COL1A1: variants seen among roughly 807,000 people sequenced by gnomAD.
The protein encoded by COL1A1 is collagen type I alpha 1 chain.
In COL1A1, 21 loss-of-function variants were observed where a neutral mutation model predicts 195.7. The observed-to-expected ratio is 0.11, with a 90% CI of 0.08 to 0.15. The LOEUF (loss-of-function observed/expected upper bound fraction) is 0.15. Ranked by LOEUF, COL1A1 falls within the 10% of genes least tolerant of loss-of-function variation. The probability of loss-of-function intolerance (pLI) is 1.00; values close to 1 mark genes in which losing one functional copy is unlikely to be tolerated. For missense variants in COL1A1, 1,365 were observed against 2,051.0 expected (o/e 0.67, Z 6.46); for synonymous variants, 749 against 747.3 (o/e 1.00, Z -0.04).
Position 50,191,833 on chromosome 17 carries a change from A to G in COL1A1, c.2082T>C (p.Ala694=). The stretch of plus-strand genomic sequence containing the variant: ...GAGCACCGTTGGCCCCTCGGGGACC[A>G]GCAGGACCAGGGGGACCTTGCACAC... ...ERGVQGPPGP[A]GPRGANGAPG... Residue 694 remains alanine, a synonymous_variant, in exon 31 of 51, where the codon GCT becomes GCC. Coordinates refer to ENST00000225964, the MANE Select transcript of COL1A1 (RefSeq NM_000088.4). 6.2e-7 allele frequency: 1 copy of G among 1,602,858 alleles called. No homozygotes were observed. Among genetic ancestry groups the G allele is most frequent in the Non-Finnish European group, 8.5e-7 (1 of 1,174,306 alleles).
At position 50,195,856 on chromosome 17, in the gene COL1A1, G is replaced by A; in HGVS notation, c.1056+67C>T. ...TGCCACTCTGGGTCCCTTTGGTTTG[G>A]GGAACAGGGAGACATGAACCCCTTG... On this transcript the variant is annotated intron_variant, in intron 16 of 50. Transcript: ENST00000225964. The surrounding 1 kb of genome is among the most constrained non-coding windows in gnomAD (Gnocchi z 4.3). The A allele has an allele frequency of 6.5e-7, 1 of 1,535,946 alleles. No homozygotes were observed. The highest frequency in any genetic ancestry group is 8.8e-7 in the Non-Finnish European group (1 of 1,132,358).
In COL1A1 at chr17:50,189,978, G is replaced by A; in HGVS notation, c.2559+23C>T. ...GGGTCCCAGCCCACCAGCCTCGTGG[G>A]CACAGAGGGCCAAGCCACTCACAAT... is the stretch of plus-strand genomic sequence containing the variant. On this transcript the variant is annotated intron_variant, in intron 36 of 50. Coordinates refer to ENST00000225964, the MANE Select transcript of COL1A1 (RefSeq NM_000088.4). This position sits in a 1 kb window ranked among gnomAD's most constrained non-coding sequence, Gnocchi z 5.5. 6.2e-7 allele frequency: 1 copy of A among 1,612,560 alleles called. No homozygotes were observed. Among genetic ancestry groups the A allele is most frequent in the Non-Finnish European group, 8.5e-7 (1 of 1,179,202 alleles).
At position 50,186,844 on chromosome 17, in the gene COL1A1, G is replaced by T. The variant is rs983970706; in HGVS notation, c.3610C>A (p.Pro1204Thr). 1.9e-6 allele frequency: 3 copies of T among 1,614,176 alleles called. No homozygotes were observed. The highest frequency in any genetic ancestry group is 1.7e-6 in the Non-Finnish European group (2 of 1,180,048). ...CCATCGTGAGCCTTCTCTTGAGGTG[G>T]CTGGGGCAGGAAGCTGAAGTCGAAA... ...AGFDFSFLPQ[P>T]PQEKAHDGGR... The change falls in exon 48 of 51, where the codon CCA becomes ACA. Residue 1204 changes from proline (P) to threonine (T), a missense_variant. Transcript: ENST00000225964. The surrounding 1 kb of genome is among the most constrained non-coding windows in gnomAD (Gnocchi z 5.3).
rs72667007 is a variant in COL1A1 at position 50,201,450 on chromosome 17, C to A, written c.64G>T (p.Gly22Cys). 6.2e-7 allele frequency: 1 copy of A among 1,613,506 alleles called. No homozygotes were observed. Among genetic ancestry groups the A allele is most frequent in the Non-Finnish European group, 8.5e-7 (1 of 1,180,024 alleles). The change falls in exon 1 of 51, where the codon GGC becomes TGC. Residue 22 changes from glycine to cysteine, a missense_variant. Gly to Cys is a radical substitution (Grantham distance 159, BLOSUM62 -3). This residue lies in a region of COL1A1 where 194 missense variants were observed against 221.7 expected (regional missense o/e 0.88). Transcript: ENST00000225964. ...LLAATALLTH[G>C]QEEGQVEGQD... ...CCCTCGACTTGGCCTTCCTCTTGGC[C>A]GTGCGTCAGGAGGGCGGTGGCCGCT...
At position 50,186,199 on chromosome 17, in the gene COL1A1, C is replaced by A; in HGVS notation, c.4005+118G>T. 6.5e-7 allele frequency: 1 copy of A among 1,533,234 alleles called. No homozygotes were observed. Among genetic ancestry groups the A allele is most frequent in the Non-Finnish European group, 8.9e-7 (1 of 1,120,530 alleles). The allele number at this position is 1,533,234 out of a possible 1,614,324, so 95.0% of individuals were successfully genotyped here. ...ACTATCAGGGACCTGAGACCCCTGC[C>A]TCCCAGCCCAGCTCTGTCCATCACC... is the stretch of plus-strand genomic sequence containing the variant. On this transcript the variant is annotated intron_variant, in intron 49 of 50. Coordinates refer to ENST00000225964, the MANE Select transcript of COL1A1 (RefSeq NM_000088.4). The surrounding 1 kb of genome is among the most constrained non-coding windows in gnomAD (Gnocchi z 5.3).
chr17:50,199,823 G>A lies in COL1A1; in HGVS notation c.228C>T (p.Asp76=). 6.2e-7 allele frequency: 1 copy of A among 1,614,092 alleles called. No homozygotes were observed. ...GKVLCDDVIC[D]ETKNCPGAEV... ...CGGCGCCGGGGCAGTTCTTGGTCTC[G>A]TCACAGATCACGTCATCGCACAACA... Residue 76 remains aspartate (D), a synonymous_variant, in exon 2 of 51, where the codon GAC becomes GAT. Transcript: ENST00000225964.
intron 46 of COL1A1, among the ~76,000 whole-genome samples, 159 bp from the exon 47 acceptor site, chr17:50,187,281 G>T (rs2277633): frequency 6.6e-6 from 1 of 152,196 alleles, no homozygotes; most frequent in Non-Finnish European, 1.5e-5. Context: ...CCTCCCAGCC[G>T]CTGAGCCAGG....
At chr17:50,200,144 C>T (rs780831066) in intron 1 of COL1A1, 197 bp from the exon 2 acceptor site, 16 of 641,784 alleles carry the variant, frequency 2.5e-5, no homozygotes, top group Admixed American at 2.0e-4. Flanking sequence ...GCCAGGGAGG[C>T]TGTAACTCTT....
chr17:50,193,760 C>T, intron 25 of COL1A1, 183 bp downstream of exon 25: 1 of 659,736 alleles, frequency 1.5e-6, no homozygotes. Flanking sequence ...GGATTACAGG[C>T]ATGAGCCACC....
chr17:50,187,831 C>A (rs748441255), intron 45 of COL1A1, 45 bp downstream of exon 45: 4 of 1,502,750 alleles, frequency 2.7e-6, no homozygotes, highest in Non-Finnish European at 3.6e-6. Context: ...CCCCTCCTAT[C>A]CCACAGCACA....
At position 50,199,883 on chromosome 17, in the gene COL1A1, C is replaced by T. The variant is rs371006337; in HGVS notation, c.168G>A (p.Glu56=). 22 of 1,614,088 alleles carry T rather than the reference C, an allele frequency of 1.4e-5. No individual in the cohort carries two copies. The South Asian group carries it at 1.6e-4, about 12-fold the overall frequency. ...TGTCGCAGACGCAGATCCGGCAGGG[C>T]TCGGGTTTCCACACGTCTCGGTCAT... The part of the protein sequence containing the change: ...RYHDRDVWKP[E]PCRICVCDNG... Residue 56 remains glutamate (E), a synonymous_variant, in exon 2 of 51, where the codon GAG becomes GAA. Transcript: ENST00000225964.
In COL1A1 at chr17:50,188,951, G is replaced by A. The variant is rs1598288619; in HGVS notation, c.2997C>T (p.Pro999=). 6.2e-7 allele frequency: 1 copy of A among 1,613,578 alleles called. No individual in the cohort carries two copies. The highest frequency in any genetic ancestry group is 1.1e-5 in the South Asian group (1 of 91,074). ...GASGERGPPG[P]MGPPGLAGPP... ...GTCCAGCCAATCCAGGGGGGCCCATGGGACCAGGGGGACCACGTTCACCAC... is the reference window on the plus strand; with the variant it reads ...GTCCAGCCAATCCAGGGGGGCCCATAGGACCAGGGGGACCACGTTCACCAC... The change falls in exon 41 of 51, where the codon CCC becomes CCT. Residue 999 remains proline (P), a synonymous_variant. Transcript: ENST00000225964. This position sits in a 1 kb window ranked among gnomAD's most constrained non-coding sequence, Gnocchi z 5.6.
At position 50,192,535 on chromosome 17, in the gene COL1A1, G is replaced by A; in HGVS notation, c.1930-7C>T. The A allele has an allele frequency of 6.2e-7, 1 of 1,614,070 alleles. No individual in the cohort carries two copies. Among genetic ancestry groups the A allele is most frequent in the Non-Finnish European group, 8.5e-7 (1 of 1,179,988 alleles). On this transcript the variant is annotated splice_polypyrimidine_tract_variant and splice_region_variant and intron_variant, in intron 28 of 50. Transcript: ENST00000225964. The stretch of plus-strand genomic sequence containing the variant: ...CAGCAGGACCAGGGAGACCCTGTAG[G>A]TGGGAAATGGGGGAAGAAGGGAGGG...
chr17:50,191,751 G>T (rs1355157410), intron 31 of COL1A1, 37 bp downstream of exon 31: 2 of 1,550,228 alleles, frequency 1.3e-6, no homozygotes, highest in Non-Finnish European at 1.7e-6. Flanking sequence ...CCTGGTCCCT[G>T]GGCCACTTGC....
At position 50,190,592 on chromosome 17, in the gene COL1A1, T is replaced by C; in HGVS notation, c.2348A>G (p.Glu783Gly). The change falls in exon 34 of 51, where the codon GAA becomes GGA. Residue 783 changes from glutamate (E) to glycine (G), a missense_variant. Around this residue, in one of 5 missense-constraint regions of COL1A1, gnomAD observed 671 missense variants for 1,099.9 expected, o/e 0.61. Transcript: ENST00000225964. This position sits in a 1 kb window ranked among gnomAD's most constrained non-coding sequence, Gnocchi z 4.7. Reference protein sequence around the residue: ...GPAGAPGDKGESGPSGPAGPT... With the variant: ...GPAGAPGDKGGSGPSGPAGPT... Reference sequence around the variant, plus strand: ...ACCAGCAGGGCCGCTGGGACCACTTTCACCCTGAGAGCAAGGGACAAGAGG... The same window carrying C: ...ACCAGCAGGGCCGCTGGGACCACTTCCACCCTGAGAGCAAGGGACAAGAGG... The C allele has an allele frequency of 6.2e-7, 1 of 1,613,080 alleles. No homozygotes were observed. Among genetic ancestry groups the C allele is most frequent in the Non-Finnish European group, 8.5e-7 (1 of 1,179,486 alleles).
intron 32 of COL1A1, among the ~76,000 whole-genome samples, chr17:50,191,177 C>T (rs534288058): frequency 7.9e-5 from 12 of 152,258 alleles, no homozygotes; most frequent in Admixed American, 3.3e-4. Context: ...CCCCACCTCT[C>T]ATCACCATGG....
chr17:50,194,395 G>A lies in COL1A1; in HGVS notation c.1568C>T (p.Pro523Leu). 1.2e-6 allele frequency: 2 copies of A among 1,614,188 alleles called. No individual in the cohort carries two copies. Among genetic ancestry groups the A allele is most frequent in the South Asian group, 1.1e-5 (1 of 91,084 alleles). Residue 523 changes from proline to leucine, a missense_variant, in exon 23 of 51, where the codon CCT (proline) becomes CTT (leucine). By Grantham distance (98) the Pro-to-Leu change is moderately conservative (BLOSUM62 -3). Transcript: ENST00000225964. The surrounding 1 kb of genome is among the most constrained non-coding windows in gnomAD (Gnocchi z 6.8). ...TTCACCGGGACGACCAGCTTCACCA[G>A]GAGATCCTTTGGGGCCAGCAGGGCC... ...SPGPAGPKGS[P>L]GEAGRPGEAG...
chr17:50,189,808 C>A lies in COL1A1; in HGVS notation c.2613+51G>T. 1 of 1,611,946 alleles carries A rather than the reference C, an allele frequency of 6.2e-7. No homozygotes were observed. The highest frequency in any genetic ancestry group is 8.5e-7 in the Non-Finnish European group (1 of 1,178,764). On this transcript the variant is annotated intron_variant, in intron 37 of 50. Transcript: ENST00000225964. The surrounding 1 kb of genome is among the most constrained non-coding windows in gnomAD (Gnocchi z 5.5). The stretch of plus-strand genomic sequence containing the variant: ...CGACCCAGCTGCCCTCACCTGCCAC[C>A]GCTGCCTGGGGAGAGGGGAGAGGCT...
rs185305718 is a variant in COL1A1 at position 50,191,944 on chromosome 17, G to A, written c.2028+36C>T. The A allele has an allele frequency of 3.1e-5, 50 of 1,610,534 alleles. No homozygotes were observed. In the Admixed American group the frequency reaches 7.1e-4, roughly 23 times the overall value. ...CTCTGGAGATAGGGCCAAGTACGAC[G>A]CACCTTGACGGATGCAGCGAGAGAG... On this transcript the variant is annotated intron_variant, in intron 30 of 50. Coordinates refer to ENST00000225964, the MANE Select transcript of COL1A1 (RefSeq NM_000088.4).
Sources: gnomAD v4.1 joint callset for allele counts (sites outside exome capture counted in the v4.1 genomes callset) on GRCh38, gnomAD v4.1.1 for gene constraint, gnomAD v4.1.1 regional missense constraint, Gnocchi (gnomAD v3.1) non-coding constraint, MANE v1.5 for transcripts, NCBI Gene and HGNC (gene_info 2026-07-23, HGNC 2026-07-21) for gene names.